AFF3: variants seen among roughly 807,000 people sequenced by gnomAD.
The protein encoded by AFF3 is AF4/FMR2 family member 3.
AFF3 carries 32 observed loss-of-function variants against 129.7 expected under a neutral mutation model. That is an observed-to-expected ratio of 0.25 (90% confidence interval 0.19 to 0.33). AFF3 has a LOEUF of 0.33. Ranked by LOEUF, AFF3 falls within the 10% of genes least tolerant of loss-of-function variation. The probability of loss-of-function intolerance (pLI) is 1.00; values close to 1 mark genes in which losing one functional copy is unlikely to be tolerated. For missense variants in AFF3, 1,373 were observed against 1,592.0 expected (o/e 0.86, Z 2.34); for synonymous variants, 644 against 635.4 (o/e 1.01, Z -0.20).
intron 12 of AFF3, among the ~76,000 whole-genome samples, chr2:99,660,469 A>C (rs1198263324): frequency 6.6e-6 from 1 of 152,240 alleles, no homozygotes; most frequent in East Asian, 1.9e-4. Flanking sequence ...CCAATTATAC[A>C]AGAGAAAGCT....
intron 8 of AFF3, among the ~76,000 whole-genome samples, chr2:99,783,745 T>G (rs1420571678): frequency 6.6e-6 from 1 of 152,222 alleles, no homozygotes; most frequent in Non-Finnish European, 1.5e-5. Context: ...AAAGAAAGAA[T>G]GGTCAGGAGA....
intron 7 of AFF3, among the ~76,000 whole-genome samples, chr2:99,942,643 G>A (rs1420752513): frequency 1.3e-5 from 2 of 152,026 alleles, no homozygotes; most frequent in Non-Finnish European, 2.9e-5. Flanking sequence ...CCTGAGGCAG[G>A]AATAGGTCAG....
intron 4 of AFF3, among the ~76,000 whole-genome samples, chr2:100,032,819 T>G (rs1684610402): frequency 6.6e-6 from 1 of 152,206 alleles, no homozygotes; most frequent in Admixed American, 6.5e-5. Flanking sequence ...TGTGTCTTAA[T>G]TACTATAAAT....
intron 7 of AFF3, among the ~76,000 whole-genome samples, chr2:99,926,250 C>T (rs1696230344): frequency 6.6e-6 from 1 of 152,192 alleles, no homozygotes. Context: ...AGTGCACATA[C>T]AGGGGTGCAA....
chr2:99,624,828 G>A (rs1344474465), intron 13 of AFF3, among the ~76,000 whole-genome samples: 3 of 152,240 alleles, frequency 2.0e-5, no homozygotes, highest in Non-Finnish European at 4.4e-5. Context: ...CAGAGAAAGT[G>A]GCAGTCTCGT....
intron 12 of AFF3, among the ~76,000 whole-genome samples, chr2:99,670,451 G>A (rs943443373): frequency 8.5e-5 from 13 of 152,090 alleles, no homozygotes; most frequent in Admixed American, 5.2e-4. Flanking sequence ...TTGGGTTTAC[G>A]GTGCAAACTC....
chr2:99,977,484 T>C (rs1045008946), intron 7 of AFF3, among the ~76,000 whole-genome samples: 14 of 152,250 alleles, frequency 9.2e-5, no homozygotes, highest in African/African-American at 2.4e-4. Flanking sequence ...TCTGTGGTAG[T>C]AGAAATTGTG....
chr2:99,673,747 A>T (rs1687373865), intron 11 of AFF3, among the ~76,000 whole-genome samples: 1 of 152,200 alleles, frequency 6.6e-6, no homozygotes, highest in African/African-American at 2.4e-5. Context: ...TAGGCCTATC[A>T]CTGATACATG....
intron 13 of AFF3, among the ~76,000 whole-genome samples, 192 bp downstream of exon 13, chr2:99,649,434 T>C (rs1193343299): frequency 1.3e-5 from 2 of 152,206 alleles, no homozygotes; most frequent in Admixed American, 6.5e-5. Context: ...ATACTTGCTA[T>C]GAAATACAAC....
At chr2:99,756,939 T>C (rs1347552909) in intron 8 of AFF3, among the ~76,000 whole-genome samples, 1 of 152,190 alleles carries the variant, frequency 6.6e-6, no homozygotes, top group Non-Finnish European at 1.5e-5. Context: ...CCACTTTCAA[T>C]AGAAGCAGCC....
chr2:99,557,901 G>A (rs143103225), intron 22 of AFF3, among the ~76,000 whole-genome samples: 119 of 152,210 alleles, frequency 7.8e-4, no homozygotes, highest in African/African-American at 2.7e-3. Flanking sequence ...AGATAGAGAC[G>A]GCATAATTTC....
chr2:99,593,485 T>C lies in AFF3; in HGVS notation c.2176A>G (p.Ile726Val). 6.2e-7 allele frequency: 1 copy of C among 1,613,882 alleles called. No individual in the cohort carries two copies. Among genetic ancestry groups the C allele is most frequent in the South Asian group, 1.1e-5 (1 of 91,080 alleles). The change falls in exon 15 of 25, where the codon ATC becomes GTC. Residue 726 changes from isoleucine to valine, a missense_variant. Ile to Val is a conservative substitution (Grantham distance 29). Coordinates refer to ENST00000672756, the MANE Select transcript of AFF3 (RefSeq NM_001386135.1). ...GSGPRAPVGS[I>V]NARTTSDIAK... The stretch of plus-strand genomic sequence containing the variant: ...ATGTCACTGGTGGTCCTGGCGTTGA[T>C]GGAGCCTACAGGGGCCCTAGGACCA...
chr2:99,897,952 A>G (rs914249651), intron 7 of AFF3, among the ~76,000 whole-genome samples: 5 of 152,240 alleles, frequency 3.3e-5, no homozygotes, highest in Middle Eastern at 6.3e-3. Flanking sequence ...TTGTGAATTG[A>G]TAAGAAGAAA....
chr2:99,893,969 A>G (rs1169367170), intron 7 of AFF3, among the ~76,000 whole-genome samples: 4 of 152,172 alleles, frequency 2.6e-5, no homozygotes, highest in Admixed American at 6.5e-5. Context: ...TGGAGCTAAT[A>G]ACCGGCCTTC....
chr2:99,879,439 T>C (rs1487054508), intron 7 of AFF3, among the ~76,000 whole-genome samples: 1 of 152,224 alleles, frequency 6.6e-6, no homozygotes, highest in East Asian at 1.9e-4. Flanking sequence ...ATAATATTAA[T>C]GAAGCACTAC....
chr2:99,801,772 TTGTAAAAA>T (rs1277929081), intron 8 of AFF3, among the ~76,000 whole-genome samples: 2 of 152,200 alleles, frequency 1.3e-5, no homozygotes, highest in African/African-American at 2.4e-5. Context: ...AAAGCGGAAA[TTGTAAAAA>T]CAAATTCTAT....
At chr2:99,914,000 T>C (rs553803805) in intron 7 of AFF3, among the ~76,000 whole-genome samples, 4 of 152,332 alleles carry the variant, frequency 2.6e-5, no homozygotes, top group African/African-American at 9.6e-5. Context: ...CAAGCACCAC[T>C]GTATTAATTG....
intron 7 of AFF3, among the ~76,000 whole-genome samples, chr2:99,874,206 A>G (rs1692109380): frequency 6.6e-6 from 1 of 152,080 alleles, no homozygotes; most frequent in South Asian, 2.1e-4. Context: ...ACTCACTGTA[A>G]TTTCCCCTGA....
chr2:99,828,666 G>C (rs1159847001), intron 8 of AFF3, among the ~76,000 whole-genome samples: 1 of 152,232 alleles, frequency 6.6e-6, no homozygotes, highest in Non-Finnish European at 1.5e-5. Context: ...TAGGGAATTT[G>C]ATGGAGGCAG....
Sources: gnomAD v4.1 joint callset for allele counts (sites outside exome capture counted in the v4.1 genomes callset) on GRCh38, gnomAD v4.1.1 for gene constraint, MANE v1.5 for transcripts, NCBI Gene and HGNC (gene_info 2026-07-23, HGNC 2026-07-21) for gene names.